LTBP1: variants seen among roughly 807,000 people sequenced by gnomAD.
The protein encoded by LTBP1 is latent transforming growth factor beta binding protein 1.
LTBP1 carries 129 observed loss-of-function variants against 207.6 expected under a neutral mutation model. The observed-to-expected ratio is 0.62, with a 90% CI of 0.54 to 0.72. The LOEUF is 0.72. Ranked by LOEUF, LTBP1 falls within the 30% of genes least tolerant of loss-of-function variation. The probability of loss-of-function intolerance (pLI) is 0.00; values close to 1 mark genes in which losing one functional copy is unlikely to be tolerated. For missense variants in LTBP1, 2,281 were observed against 2,217.2 expected, an observed-to-expected ratio of 1.03 and a Z score of -0.58; for synonymous variants, 963 against 833.7, an observed-to-expected ratio of 1.16 and a Z score of -2.67.
rs139388809 is a variant in LTBP1 at position 33,331,161 on chromosome 2, T to A, written c.3731-11677T>A. Among the ~76,000 whole-genome samples, 1,314 of 151,826 alleles carry A rather than the reference T, an allele frequency of 8.7e-3. 21 individuals are homozygous for A. Among genetic ancestry groups the A allele is most frequent in the African/African-American group, 0.031 (1,270 of 41,538 alleles). ...TGATCAGTTTTCCTAGGGTTATTAG[T>A]CATTTCAAAGAAACAACTTATGTGG... On this transcript the variant is annotated intron_variant, in intron 24 of 33. Transcript: ENST00000404816.
intron 5 of LTBP1, among the ~76,000 whole-genome samples, chr2:33,169,478 G>C (rs148849873): frequency 5.2e-4 from 79 of 152,242 alleles, no homozygotes; most frequent in African/African-American, 1.9e-3. Flanking sequence ...TTAATACAGT[G>C]GGTAAAAGCT....
At chr2:33,381,415 G>T (rs2095213210) in intron 31 of LTBP1, among the ~76,000 whole-genome samples, 2 of 152,178 alleles carry the variant, frequency 1.3e-5, no homozygotes, top group South Asian at 4.1e-4. Flanking sequence ...ATTAGGTGAA[G>T]GTTGGGAGTG....
chr2:33,298,172 GA>G (rs1272071277), intron 20 of LTBP1, among the ~76,000 whole-genome samples: 1 of 152,146 alleles, frequency 6.6e-6, no homozygotes, highest in Non-Finnish European at 1.5e-5. Flanking sequence ...TCCCTCATTA[GA>G]AAAGAAAAAT....
At chr2:33,357,852 T>C (rs2094882838) in intron 26 of LTBP1, among the ~76,000 whole-genome samples, 1 of 152,212 alleles carries the variant, frequency 6.6e-6, no homozygotes, top group South Asian at 2.1e-4. Context: ...TATTCATTTT[T>C]TAGTGCTTGC....
rs896510090 is a variant in LTBP1 at position 32,947,695 on chromosome 2, G to A, written c.371G>A (p.Gly124Asp). ...PGGQLHPNPGGHPAAAPFTKQ... is the reference protein window; with the variant it reads ...PGGQLHPNPGDHPAAAPFTKQ... The stretch of plus-strand genomic sequence containing the variant: ...GGGCAGCTCCACCCCAATCCCGGCG[G>A]CCACCCGGCAGCCGCCCCGTTCACC... The change falls in exon 1 of 34, where the codon GGC becomes GAC. Residue 124 changes from glycine (G) to aspartate (D), a missense_variant. By Grantham distance (94) the Gly-to-Asp change is moderately conservative. This residue lies in a region of LTBP1 where 555 missense variants were observed against 491.0 expected (regional missense o/e 1.13). Coordinates refer to ENST00000404816, the MANE Select transcript of LTBP1 (RefSeq NM_206943.4). The A allele has an allele frequency of 1.3e-6, 2 of 1,514,364 alleles. No homozygotes were observed. Among genetic ancestry groups the A allele is most frequent in the Non-Finnish European group, 1.8e-6 (2 of 1,131,402 alleles). 93.8% of individuals were successfully genotyped at this position (1,514,364 alleles called of 1,614,324 possible).
intron 3 of LTBP1, among the ~76,000 whole-genome samples, chr2:33,036,681 C>T (rs1193428277): frequency 6.6e-6 from 1 of 152,172 alleles, no homozygotes; most frequent in Non-Finnish European, 1.5e-5. Flanking sequence ...TGGTCTTGTA[C>T]TCCTGACCTC....
At chr2:33,004,816 A>ATATATATAG (rs1558501569) in intron 2 of LTBP1, among the ~76,000 whole-genome samples, 28 of 72,056 alleles carry the variant, frequency 3.9e-4, no homozygotes, top group African/African-American at 1.1e-3. Context: ...TATATATATA[A>ATATATATAG]ACATAAAATT....
intron 2 of LTBP1, among the ~76,000 whole-genome samples, chr2:32,975,459 GATATCCTTAAAT>G (rs1296046684): frequency 6.6e-6 from 1 of 151,586 alleles, no homozygotes; most frequent in African/African-American, 2.4e-5. Flanking sequence ...TGAAGTGAAT[GATATCCTTAAAT>G]ATATTTTTCA....
chr2:33,291,498 C>T (rs2093774018), intron 19 of LTBP1: 1 of 152,230 alleles, frequency 6.6e-6, no homozygotes, highest in Admixed American at 6.5e-5. Context: ...TTTACTTTGG[C>T]TCCAATGCTT....
At chr2:33,183,589 A>C (rs1039397361) in intron 5 of LTBP1, among the ~76,000 whole-genome samples, 5 of 152,198 alleles carry the variant, frequency 3.3e-5, no homozygotes, top group African/African-American at 1.2e-4. Flanking sequence ...TATTTAACAA[A>C]ACTACGGTAA....
At chr2:33,029,883 TAAAG>T (rs1188731723) in intron 3 of LTBP1, among the ~76,000 whole-genome samples, 1 of 152,194 alleles carries the variant, frequency 6.6e-6, no homozygotes, top group Admixed American at 6.5e-5. Flanking sequence ...TTCAAAACAA[TAAAG>T]ATTCACCTAA....
At chr2:33,348,438 A>G (rs2094733506) in intron 26 of LTBP1, among the ~76,000 whole-genome samples, 1 of 152,206 alleles carries the variant, frequency 6.6e-6, no homozygotes, top group African/African-American at 2.4e-5. Flanking sequence ...AAGAGAAGAG[A>G]CAGGTTATTA....
chr2:33,326,545 C>G (rs1439788474), intron 24 of LTBP1, among the ~76,000 whole-genome samples: 1 of 151,838 alleles, frequency 6.6e-6, no homozygotes, highest in Non-Finnish European at 1.5e-5. Context: ...GATATTCATT[C>G]TTGACCTTAT....
intron 3 of LTBP1, among the ~76,000 whole-genome samples, chr2:33,096,072 T>C (rs536558925): frequency 6.6e-6 from 1 of 152,048 alleles, no homozygotes; most frequent in Non-Finnish European, 1.5e-5. Context: ...AAACCACACC[T>C]GGGCACTGCA....
intron 24 of LTBP1, among the ~76,000 whole-genome samples, chr2:33,319,213 C>A (rs2149309914): frequency 6.6e-6 from 1 of 152,230 alleles, no homozygotes; most frequent in East Asian, 1.9e-4. Flanking sequence ...GCCTGGCCAA[C>A]ATGGTGGAAC....
chr2:33,348,294 A>G (rs1483968721), intron 26 of LTBP1, among the ~76,000 whole-genome samples: 1 of 152,222 alleles, frequency 6.6e-6, no homozygotes, highest in Non-Finnish European at 1.5e-5. Flanking sequence ...TCTGTGTAAA[A>G]TAGCTATCTT....
At chr2:33,259,720 A>T (rs2147934755) in intron 13 of LTBP1, 110 bp downstream of exon 13, 2 of 1,018,152 alleles carry the variant, frequency 2.0e-6, no homozygotes, top group South Asian at 3.7e-5. Context: ...TCTATTATGC[A>T]TCATTTGGTT....
At position 33,243,784 on chromosome 2, in the gene LTBP1, C is replaced by T. The variant is rs1032388295; in HGVS notation, c.1999C>T (p.Pro667Ser). 3 of 1,613,690 alleles carry T rather than the reference C, an allele frequency of 1.9e-6. No individual in the cohort carries two copies. The highest frequency in any genetic ancestry group is 1.7e-6 in the Non-Finnish European group (2 of 1,179,834). Residue 667 changes from proline to serine, a missense_variant and splice_region_variant, in exon 10 of 34, where the codon CCT becomes TCT. Around this residue, in one of 3 missense-constraint regions of LTBP1, gnomAD observed 1,671 missense variants for 1,634.8 expected, o/e 1.02. Coordinates refer to ENST00000404816, the MANE Select transcript of LTBP1 (RefSeq NM_206943.4). Reference sequence around the variant, plus strand: ...GGATCCTACCTTTTCAAGTTGTGTTCGTAAGTAATAATCACTTTTTATTCC... The same window carrying T: ...GGATCCTACCTTTTCAAGTTGTGTTTGTAAGTAATAATCACTTTTTATTCC... ...GPDPTFSSCV[P>S]DPPVISEEKG...
Position 32,981,003 on chromosome 2 carries a change from C to T in LTBP1, c.565+32058C>T, listed in dbSNP as rs568815501. Among the ~76,000 whole-genome samples, 17 of 152,210 alleles carry T rather than the reference C, an allele frequency of 1.1e-4. No individual in the cohort carries two copies. The South Asian group carries it at 3.5e-3, about 32-fold the overall frequency. On this transcript the variant is annotated intron_variant, in intron 2 of 33. Transcript: ENST00000404816. ...TCTTTTCTCTTGCTGCTTTTAGGATCTTTTCTTTATCCTTGGTCTTTGGGA... is the reference window on the plus strand; with the variant it reads ...TCTTTTCTCTTGCTGCTTTTAGGATTTTTTCTTTATCCTTGGTCTTTGGGA...
Sources: gnomAD v4.1 joint callset for allele counts (sites outside exome capture counted in the v4.1 genomes callset) on GRCh38, gnomAD v4.1.1 for gene constraint, gnomAD v4.1.1 regional missense constraint, MANE v1.5 for transcripts, NCBI Gene and HGNC (gene_info 2026-07-23, HGNC 2026-07-21) for gene names.